The following PRDM16 variants were observed in gnomAD, a reference collection of about 807,000 sequenced individuals.
PRDM16 encodes PR/SET domain 16.
In PRDM16, 23 loss-of-function variants were observed where a neutral mutation model predicts 110.6. The observed-to-expected ratio is 0.21, with a 90% CI of 0.15 to 0.29. The LOEUF (loss-of-function observed/expected upper bound fraction) is 0.29. PRDM16 is among the 10% of genes least tolerant of loss of function. The pLI is 1.00. For missense variants in PRDM16, 1,615 were observed against 1,794.3 expected (o/e 0.90, Z 1.81); for synonymous variants, 799 against 781.8 (o/e 1.02, Z -0.37).
chr1:3,417,858 C>A lies in PRDM16; in HGVS notation c.2722C>A (p.Leu908Met). The A allele has an allele frequency of 6.2e-7, 1 of 1,613,848 alleles. No individual in the cohort carries two copies. The change falls in exon 11 of 17, where the codon CTG (leucine) becomes ATG (methionine). Residue 908 changes from leucine (L) to methionine (M), a missense_variant. Around this residue, in one of 5 missense-constraint regions of PRDM16, gnomAD observed 772 missense variants for 748.3 expected, o/e 1.03. Coordinates refer to ENST00000270722, the MANE Select transcript of PRDM16 (RefSeq NM_022114.4). ...MSAIETMTEK[L>M]ESFAAMKADS... ...AGCCATAGAGACCATGACAGAGAAGCTGGAGAGCTTTGCAGCCATGAAGGC... is the reference window on the plus strand; with the variant it reads ...AGCCATAGAGACCATGACAGAGAAGATGGAGAGCTTTGCAGCCATGAAGGC...
chr1:3,363,704 T>C (rs1330729141), intron 3 of PRDM16, among the ~76,000 whole-genome samples: 2 of 152,066 alleles, frequency 1.3e-5, no homozygotes, highest in Non-Finnish European at 2.9e-5. Context: ...CAGCTCAGAA[T>C]TGCCCACTTG....
At chr1:3,164,651 C>T (rs1055429724) in intron 1 of PRDM16, among the ~76,000 whole-genome samples, 3 of 152,166 alleles carry the variant, frequency 2.0e-5, no homozygotes, top group African/African-American at 4.8e-5. Flanking sequence ...TCACTAAACG[C>T]GGACGGCAGG....
rs1049081646 is a variant in PRDM16, at chr1:3,434,152, G to A, written c.*341G>A. 6.0e-6 allele frequency: 2 copies of A among 331,860 alleles called. No individual in the cohort carries two copies. Among genetic ancestry groups the A allele is most frequent in the Non-Finnish European group, 1.1e-5 (2 of 180,732 alleles). The allele number at this position is 331,860 out of a possible 1,614,324, so 20.6% of individuals were successfully genotyped here. On this transcript the variant is annotated 3_prime_UTR_variant, in exon 17 of 17. Transcript: ENST00000270722. ...GACAGAAGCTGGTGGCCACTGCCGG[G>A]TGCCCGCGTGGGGTCGCGGAAGGGA...
intron 1 of PRDM16, among the ~76,000 whole-genome samples, chr1:3,150,545 G>A (rs755237768): frequency 2.0e-5 from 3 of 152,140 alleles, no homozygotes; most frequent in African/African-American, 7.2e-5. Context: ...GTGACAGAGC[G>A]AGACTCCATC....
chr1:3,176,288 A>G (rs1459073833), intron 1 of PRDM16, among the ~76,000 whole-genome samples: 4 of 152,086 alleles, frequency 2.6e-5, no homozygotes, highest in African/African-American at 4.8e-5. Context: ...CCATCCATCC[A>G]TCTATCCATC....
Position 3,082,138 on chromosome 1 carries a change from G to C in PRDM16, c.37+12842G>C, listed in dbSNP as rs146097721. 1.3e-3 allele frequency among the ~76,000 whole-genome samples: 198 copies of C among 152,294 alleles called. 1 individual carries two copies. The South Asian group carries it at 0.019, about 15-fold the overall frequency. On this transcript the variant is annotated intron_variant, in intron 1 of 16. Coordinates refer to ENST00000270722, the MANE Select transcript of PRDM16 (RefSeq NM_022114.4). ...GTTAGATGACCTTGGACCAAACCAC[G>C]GGAACTTGATGGGCAGGAGGCTGGC... is the stretch of plus-strand genomic sequence containing the variant.
chr1:3,373,687 G>A (rs1018802913), intron 3 of PRDM16, among the ~76,000 whole-genome samples: 3 of 152,162 alleles, frequency 2.0e-5, no homozygotes, highest in Admixed American at 6.5e-5. Flanking sequence ...CTGGGCAAGC[G>A]GGGCTGGGGC....
rs1357668554 is a variant in PRDM16, at chr1:3,148,816, C to T, written c.38-37309C>T. Among the ~76,000 whole-genome samples the T allele has an allele frequency of 2.6e-5, 4 of 152,214 alleles. No homozygotes were observed. The highest frequency in any genetic ancestry group is 6.5e-5 in the Admixed American group (1 of 15,282). Reference sequence around the variant, plus strand: ...ACTTTACTTAGCACATGTTGAAAGTCCTTCTAGAAAGCCAGGATGTTTGTT... The same window carrying T: ...ACTTTACTTAGCACATGTTGAAAGTTCTTCTAGAAAGCCAGGATGTTTGTT... On this transcript the variant is annotated intron_variant, in intron 1 of 16. Transcript: ENST00000270722. This position sits in a 1 kb window ranked among gnomAD's most constrained non-coding sequence, Gnocchi z 5.0.
At chr1:3,159,189 C>T (rs907763036) in intron 1 of PRDM16, among the ~76,000 whole-genome samples, 5 of 152,228 alleles carry the variant, frequency 3.3e-5, no homozygotes, top group East Asian at 1.9e-4. Flanking sequence ...GTACACAGGG[C>T]GGCATGAGAA....
At chr1:3,283,987 G>A (rs769546381) in intron 3 of PRDM16, among the ~76,000 whole-genome samples, 8 of 152,332 alleles carry the variant, frequency 5.3e-5, no homozygotes, top group Middle Eastern at 3.4e-3. Flanking sequence ...TTGGAAGTGC[G>A]CTGGGGGCCT....
At chr1:3,188,480 C>T (rs185489256) in intron 2 of PRDM16, among the ~76,000 whole-genome samples, 265 of 152,310 alleles carry the variant, frequency 1.7e-3, no homozygotes, top group Non-Finnish European at 2.9e-3. Context: ...GTGTTTATCC[C>T]GGGTGTGTGT....
At chr1:3,334,730 G>A (rs1418549436) in intron 3 of PRDM16, among the ~76,000 whole-genome samples, 1 of 152,192 alleles carries the variant, frequency 6.6e-6, no homozygotes, top group Admixed American at 6.5e-5. Context: ...TCCTTCTCAC[G>A]GATCTCAGCT....
chr1:3,086,924 C>T (rs1430097066), intron 1 of PRDM16, among the ~76,000 whole-genome samples: 1 of 152,036 alleles, frequency 6.6e-6, no homozygotes, highest in Non-Finnish European at 1.5e-5. Flanking sequence ...GCAATCTAAA[C>T]ATGGTATCAC....
At chr1:3,296,408 C>T (rs879638039) in intron 3 of PRDM16, among the ~76,000 whole-genome samples, 17 of 152,240 alleles carry the variant, frequency 1.1e-4, no homozygotes, top group East Asian at 1.9e-4. Context: ...CCACTCTGTG[C>T]GGAACTGGGG....
chr1:3,294,861 A>C (rs1490433625), intron 3 of PRDM16, among the ~76,000 whole-genome samples: 1 of 152,190 alleles, frequency 6.6e-6, no homozygotes, highest in Non-Finnish European at 1.5e-5. Flanking sequence ...GATCACACGT[A>C]CAAACCAGAA....
intron 2 of PRDM16, among the ~76,000 whole-genome samples, chr1:3,204,886 G>A (rs968625275): frequency 6.6e-6 from 1 of 152,192 alleles, no homozygotes; most frequent in African/African-American, 2.4e-5. Context: ...TTGGAGAGTG[G>A]GACCCCCGTT....
chr1:3,403,877 C>G lies in PRDM16; in HGVS notation c.885-862C>G, dbSNP rs956922081. Among the ~76,000 whole-genome samples, 13 of 152,202 alleles carry G rather than the reference C, an allele frequency of 8.5e-5. 1 individual carries two copies. Among genetic ancestry groups the G allele is most frequent in the Admixed American group, 8.5e-4 (13 of 15,282 alleles). On this transcript the variant is annotated intron_variant, in intron 6 of 16. Coordinates refer to ENST00000270722, the MANE Select transcript of PRDM16 (RefSeq NM_022114.4). ...ATTGCTGGGGATTACCGCCCATCCC[C>G]GCACCGCTCCCTGGGGACGGCAAAC...
Position 3,336,020 on chromosome 1 carries a change from G to A in PRDM16, c.439-49132G>A, listed in dbSNP as rs137982292. 1.9e-4 allele frequency among the ~76,000 whole-genome samples: 29 copies of A among 152,334 alleles called. No individual in the cohort carries two copies. In the East Asian group the frequency reaches 3.7e-3, roughly 19 times the overall value. The stretch of plus-strand genomic sequence containing the variant: ...GCAGCCCCACAGAGGAGGCTGTGAC[G>A]TCTCGACAGCCTGCCCAGAGTATCG... On this transcript the variant is annotated intron_variant, in intron 3 of 16. Coordinates refer to ENST00000270722, the MANE Select transcript of PRDM16 (RefSeq NM_022114.4).
intron 1 of PRDM16, among the ~76,000 whole-genome samples, chr1:3,113,593 A>C (rs1642847006): frequency 6.6e-6 from 1 of 152,116 alleles, no homozygotes; most frequent in African/African-American, 2.4e-5. Context: ...CGTCACTGAC[A>C]CTTTGCTCCG....
Sources: gnomAD v4.1 joint callset for allele counts (sites outside exome capture counted in the v4.1 genomes callset) on GRCh38, gnomAD v4.1.1 for gene constraint, gnomAD v4.1.1 regional missense constraint, Gnocchi (gnomAD v3.1) non-coding constraint, MANE v1.5 for transcripts, NCBI Gene and HGNC (gene_info 2026-07-23, HGNC 2026-07-21) for gene names.